The following CNTNAP5 variants were observed in gnomAD, a reference collection of about 807,000 sequenced individuals.
The protein encoded by CNTNAP5 is contactin-associated protein-like 5.
CNTNAP5 carries 72 observed loss-of-function variants against 150.2 expected under a neutral mutation model. The ratio of observed to expected loss-of-function variants is 0.48; its 90% CI spans 0.40 to 0.58. The LOEUF (loss-of-function observed/expected upper bound fraction) is 0.58. Among genes scored for constraint, CNTNAP5 ranks in the 20% least tolerant of loss-of-function variants. The pLI, the probability that CNTNAP5 is intolerant of heterozygous loss-of-function variation, is 0.00. For missense variants in CNTNAP5, 1,636 were observed against 1,626.2 expected (o/e 1.01, Z -0.10); for synonymous variants, 672 against 619.8 (o/e 1.08, Z -1.25).
intron 3 of CNTNAP5, among the ~76,000 whole-genome samples, chr2:124,357,901 A>G (rs1476476123): frequency 6.6e-6 from 1 of 151,226 alleles, no homozygotes; most frequent in Non-Finnish European, 1.5e-5. Context: ...CTTGGGCAGT[A>G]TGGCAATTTT....
intron 7 of CNTNAP5, among the ~76,000 whole-genome samples, chr2:124,484,134 G>T (rs2104842711): frequency 6.6e-6 from 1 of 152,316 alleles, no homozygotes; most frequent in Admixed American, 6.5e-5. Context: ...GCTTATAAGA[G>T]CTAGAAAGGA....
intron 19 of CNTNAP5, among the ~76,000 whole-genome samples, chr2:124,825,578 A>T (rs1320030293): frequency 6.6e-6 from 1 of 152,164 alleles, no homozygotes; most frequent in African/African-American, 2.4e-5. Flanking sequence ...ATGCATCCTA[A>T]TGGCACTTTC....
At chr2:124,247,372 C>A (rs1378934294) in intron 3 of CNTNAP5, among the ~76,000 whole-genome samples, 1 of 151,200 alleles carries the variant, frequency 6.6e-6, no homozygotes, top group African/African-American at 2.4e-5. Flanking sequence ...TGTGCAGAAC[C>A]ATTAAGGAGA....
chr2:124,903,102 T>C lies in CNTNAP5; in HGVS notation c.3655+2T>C, dbSNP rs775500223. On this transcript the variant is annotated splice_donor_variant, in intron 22 of 23. Transcript: ENST00000682447. LOFTEE classifies it high-confidence loss of function. ...TGACCACGGTGCATTCTTCATCAGG[T>C]ACACTCAAGAGCATGCACAAGGGAG... 1.3e-6 allele frequency: 2 copies of C among 1,546,716 alleles called. No individual in the cohort carries two copies. The highest frequency in any genetic ancestry group is 2.4e-5 in the South Asian group (2 of 83,480).
intron 14 of CNTNAP5, among the ~76,000 whole-genome samples, chr2:124,761,275 T>A (rs1279985988): frequency 6.6e-6 from 1 of 152,110 alleles, no homozygotes; most frequent in Non-Finnish European, 1.5e-5. Context: ...TACCTGTCAC[T>A]CACAAATTTA....
chr2:124,202,586 C>T (rs952079915), intron 1 of CNTNAP5, among the ~76,000 whole-genome samples: 24 of 152,160 alleles, frequency 1.6e-4, no homozygotes, highest in Non-Finnish European at 2.2e-4. Flanking sequence ...GAAATACCTG[C>T]GACTGCATAA....
rs913645965 is a variant in CNTNAP5 at position 124,586,056 on chromosome 2, G to A, written c.1756+22733G>A. ...CTATAAAGAAAGAGGACTGGAGAAG[G>A]TGGGTCTGGAATAAGCCTCAGGCAA... On this transcript the variant is annotated intron_variant, in intron 11 of 23. Transcript: ENST00000682447. 5.3e-5 allele frequency among the ~76,000 whole-genome samples: 8 copies of A among 152,076 alleles called. No homozygotes were observed. The South Asian group carries it at 1.7e-3, about 32-fold the overall frequency.
intron 21 of CNTNAP5, 69 bp downstream of exon 21, chr2:124,869,831 G>A (rs577601603): frequency 3.2e-6 from 3 of 928,050 alleles, no homozygotes; most frequent in South Asian, 1.5e-5. Context: ...ATTTTCATTA[G>A]GGTGTTTAAG....
At chr2:124,588,631 C>T (rs7586780) in intron 11 of CNTNAP5, among the ~76,000 whole-genome samples, 1 of 151,758 alleles carries the variant, frequency 6.6e-6, no homozygotes, top group Non-Finnish European at 1.5e-5. Context: ...AAATATAAAC[C>T]TTATTATTAT....
At chr2:124,394,009 T>C in intron 3 of CNTNAP5, among the ~76,000 whole-genome samples, 1 of 152,174 alleles carries the variant, frequency 6.6e-6, no homozygotes, top group East Asian at 1.9e-4. Flanking sequence ...ATATAAAATA[T>C]CAGTCATCGT....
At chr2:124,102,794 C>A (rs1683092565) in intron 1 of CNTNAP5, among the ~76,000 whole-genome samples, 1 of 152,212 alleles carries the variant, frequency 6.6e-6, no homozygotes, top group South Asian at 2.1e-4. Context: ...GCCTGCCTCA[C>A]AGCGATGTTG....
chr2:124,070,808 G>A (rs1056529762), intron 1 of CNTNAP5, among the ~76,000 whole-genome samples: 1 of 151,854 alleles, frequency 6.6e-6, no homozygotes, highest in African/African-American at 2.4e-5. Flanking sequence ...AGAAAATCAA[G>A]AAAGAAACAT....
At chr2:124,695,530 A>T (rs1036352055) in intron 13 of CNTNAP5, among the ~76,000 whole-genome samples, 15 of 152,170 alleles carry the variant, frequency 9.9e-5, no homozygotes, top group African/African-American at 3.4e-4. Flanking sequence ...GGGAAAATAC[A>T]ATCACTGTTT....
chr2:124,037,537 T>C (rs933668491), intron 1 of CNTNAP5, among the ~76,000 whole-genome samples: 2 of 152,182 alleles, frequency 1.3e-5, no homozygotes, highest in East Asian at 3.8e-4. Flanking sequence ...TGTGACAACA[T>C]AGATTAACCT....
At chr2:124,231,277 AAAG>A (rs1558811593) in intron 2 of CNTNAP5, among the ~76,000 whole-genome samples, 1 of 152,144 alleles carries the variant, frequency 6.6e-6, no homozygotes, top group Non-Finnish European at 1.5e-5. Context: ...AAGTTATTAA[AAAG>A]AAGGAATTGT....
intron 3 of CNTNAP5, among the ~76,000 whole-genome samples, chr2:124,413,648 G>A (rs1275009931): frequency 2.9e-3 from 233 of 79,004 alleles, no homozygotes; most frequent in African/African-American, 0.011. Flanking sequence ...ACCAAACACC[G>A]CATATTCTCA....
At chr2:124,497,625 T>C (rs556785600) in intron 7 of CNTNAP5, among the ~76,000 whole-genome samples, 83 of 152,342 alleles carry the variant, frequency 5.4e-4, no homozygotes, top group African/African-American at 2.0e-3. Context: ...AATGTCTCTC[T>C]TCTCATTTCT....
intron 3 of CNTNAP5, among the ~76,000 whole-genome samples, chr2:124,369,648 T>G (rs1198617623): frequency 6.6e-6 from 1 of 152,192 alleles, no homozygotes; most frequent in African/African-American, 2.4e-5. Flanking sequence ...CAATTTAACC[T>G]TATAAAGTGT....
Position 124,435,524 on chromosome 2 carries a change from A to G in CNTNAP5, c.733+837A>G, listed in dbSNP as rs923008998. Among the ~76,000 whole-genome samples, 3 of 152,230 alleles carry G rather than the reference A, an allele frequency of 2.0e-5. No individual in the cohort carries two copies. The East Asian group carries it at 5.8e-4, about 29-fold the overall frequency. On this transcript the variant is annotated intron_variant, in intron 5 of 23. Transcript: ENST00000682447. ...AAGAAAGAGATAAGCTGAAAAAAAA[A>G]GTAAATGGCCGTTTTTCATAAGAAT...
Sources: gnomAD v4.1 joint callset for allele counts (sites outside exome capture counted in the v4.1 genomes callset) on GRCh38, gnomAD v4.1.1 for gene constraint, MANE v1.5 for transcripts, NCBI Gene and HGNC (gene_info 2026-07-23, HGNC 2026-07-21) for gene names.